The following PCDHA4 variants were observed in gnomAD, a reference collection of about 807,000 sequenced individuals.
The protein encoded by PCDHA4 is protocadherin alpha 4.
A neutral mutation model predicts 61.4 loss-of-function variants in PCDHA4; 49 were observed. The ratio of observed to expected loss-of-function variants is 0.80; its 90% confidence interval spans 0.63 to 1.01. PCDHA4 has a LOEUF of 1.01. Ranked by LOEUF, PCDHA4 falls within the 50% of genes least tolerant of loss-of-function variation. The pLI is 0.00. For synonymous variants in PCDHA4, 590 were observed against 550.3 expected (o/e 1.07, Z -1.01); for missense variants, 1,254 against 1,235.8 (o/e 1.01, Z -0.22).
intron 1 of PCDHA4, among the ~76,000 whole-genome samples, chr5:140,919,654 C>CAT (rs1554199189): frequency 6.6e-6 from 1 of 151,822 alleles, no homozygotes; most frequent in African/African-American, 2.4e-5. Context: ...TAGAGTTTAC[C>CAT]ATATATATTT....
Position 140,935,377 on chromosome 5 carries a change from C to T in PCDHA4, c.2386-43572C>T, listed in dbSNP as rs139207351. On this transcript the variant is annotated intron_variant, in intron 1 of 3. Coordinates refer to ENST00000530339, the MANE Select transcript of PCDHA4 (RefSeq NM_018907.4). ...GTTTTCATTAACGTCAACAGAATTA[C>T]TCATTTGTTATCCCACGGGACTCAA... is the stretch of plus-strand genomic sequence containing the variant. Among the ~76,000 whole-genome samples the T allele has an allele frequency of 1.3e-4, 20 of 152,332 alleles. No individual in the cohort carries two copies. In the East Asian group the frequency reaches 3.1e-3, roughly 23 times the overall value.
intron 3 of PCDHA4, among the ~76,000 whole-genome samples, chr5:140,999,845 T>C (rs1293721817): frequency 6.6e-6 from 1 of 152,188 alleles, no homozygotes; most frequent in African/African-American, 2.4e-5. Context: ...CAAGTGTATT[T>C]ATCTCTTCCG....
At position 140,868,867 on chromosome 5, in the gene PCDHA4, G is replaced by A. The variant is rs532271305; in HGVS notation, c.2385+59295G>A. ...GAAATTCTGTGGTGGTAAATGCAGT[G>A]CACAGTACTCACAGTTTTAGGCGCA... On this transcript the variant is annotated intron_variant, in intron 1 of 3. Coordinates refer to ENST00000530339, the MANE Select transcript of PCDHA4 (RefSeq NM_018907.4). The A allele has an allele frequency of 2.8e-4, 173 of 611,220 alleles. 1 individual carries two copies. In the South Asian group the frequency reaches 3.9e-3, roughly 14 times the overall value. 37.9% of individuals were successfully genotyped at this position (611,220 alleles called of 1,614,324 possible).
chr5:140,929,413 A>G, intron 1 of PCDHA4: 1 of 1,505,438 alleles, frequency 6.6e-7, no homozygotes, highest in Non-Finnish European at 8.9e-7. Context: ...AGCCTTTCAC[A>G]ACATTTCATC....
intron 1 of PCDHA4, chr5:140,823,603 C>A (rs2150127370): frequency 1.2e-6 from 2 of 1,614,048 alleles, no homozygotes; most frequent in South Asian, 2.2e-5. Context: ...TTCGTATGAG[C>A]TGCAGCCAGC....
chr5:141,003,406 G>A (rs2098122557), intron 3 of PCDHA4, among the ~76,000 whole-genome samples: 1 of 152,134 alleles, frequency 6.6e-6, no homozygotes, highest in African/African-American at 2.4e-5. Flanking sequence ...CCGCCTCCCG[G>A]GTTCGAGTGA....
intron 1 of PCDHA4, among the ~76,000 whole-genome samples, chr5:140,936,916 A>C (rs782442769): frequency 3.0e-4 from 46 of 152,222 alleles, no homozygotes; most frequent in Non-Finnish European, 6.6e-4. Context: ...ATCTGTAGAA[A>C]ATATGGGGTA....
chr5:140,993,532 A>C (rs1159592677), intron 3 of PCDHA4, among the ~76,000 whole-genome samples: 1 of 151,984 alleles, frequency 6.6e-6, no homozygotes, highest in African/African-American at 2.4e-5. Flanking sequence ...ACAGAGAGAG[A>C]GAGAGATAGA....
Position 140,873,357 on chromosome 5 carries a change from G to T in PCDHA4, c.2385+63785G>T, listed in dbSNP as rs564914388. On this transcript the variant is annotated intron_variant, in intron 1 of 3. Coordinates refer to ENST00000530339, the MANE Select transcript of PCDHA4 (RefSeq NM_018907.4). ...TACTCATCTCCAGATGAAATTTTTG[G>T]AATAACTGAAGATCTTTTAAAGACT... Among the ~76,000 whole-genome samples the T allele has an allele frequency of 2.0e-5, 3 of 152,172 alleles. No individual in the cohort carries two copies. In the South Asian group the frequency reaches 6.2e-4, roughly 32 times the overall value.
chr5:140,854,061 C>A, intron 1 of PCDHA4: 1 of 279,894 alleles, frequency 3.6e-6, no homozygotes, highest in Non-Finnish European at 5.4e-6. Flanking sequence ...ACTCAGGAGG[C>A]TGAGGCGAGA....
rs1404110882 is a variant in PCDHA4 at position 140,968,973 on chromosome 5, C to A, written c.2386-9976C>A. On this transcript the variant is annotated intron_variant, in intron 1 of 3. Transcript: ENST00000530339. ...ATCATCAAGTGCTACCGCTACACTG[C>A]GTATGGCACTGCATGCTGTGGAGGC... is the stretch of plus-strand genomic sequence containing the variant. The A allele has an allele frequency of 6.2e-7, 1 of 1,614,194 alleles. No homozygotes were observed. The highest frequency in any genetic ancestry group is 1.3e-5 in the African/African-American group (1 of 75,044).
chr5:140,973,362 A>G (rs2096583702), intron 1 of PCDHA4, among the ~76,000 whole-genome samples: 1 of 152,256 alleles, frequency 6.6e-6, no homozygotes, highest in Non-Finnish European at 1.5e-5. Flanking sequence ...ATTTATAAAA[A>G]TTGCACAATG....
chr5:140,867,025 C>G lies in PCDHA4; in HGVS notation c.2385+57453C>G, dbSNP rs560327933. 2.6e-5 allele frequency: 4 copies of G among 152,270 alleles called. No homozygotes were observed. The East Asian group carries it at 7.7e-4, about 29-fold the overall frequency. The allele number at this position is 152,270 out of a possible 1,614,324, so 9.4% of individuals were successfully genotyped here. Reference sequence around the variant, plus strand: ...TCATTGATTCATACACTATATCAAACTCTTTTATGACTTGGCGTTTGTTCA... The same window carrying G: ...TCATTGATTCATACACTATATCAAAGTCTTTTATGACTTGGCGTTTGTTCA... On this transcript the variant is annotated intron_variant, in intron 1 of 3. Transcript: ENST00000530339.
At chr5:140,849,563 G>T (rs2150440707) in intron 1 of PCDHA4, 1 of 1,598,488 alleles carries the variant, frequency 6.3e-7, no homozygotes, top group Non-Finnish European at 8.6e-7. Context: ...AAACGCTCTC[G>T]GTTCCTGTAA....
chr5:141,011,501 A>G lies in PCDHA4; in HGVS notation c.*1564A>G, dbSNP rs548038544. ...ATATTTCCTTTTGTACACCTGTGAA[A>G]AAGTGGAGTAGTGTTTTTTTAACCA... On this transcript the variant is annotated 3_prime_UTR_variant, in exon 4 of 4. Coordinates refer to ENST00000530339, the MANE Select transcript of PCDHA4 (RefSeq NM_018907.4). 1.3e-5 allele frequency: 2 copies of G among 153,894 alleles called. No individual in the cohort carries two copies. Among genetic ancestry groups the G allele is most frequent in the African/African-American group, 4.8e-5 (2 of 41,578 alleles). 9.5% of individuals were successfully genotyped at this position (153,894 alleles called of 1,614,324 possible).
chr5:140,971,468 A>C (rs938390548), intron 1 of PCDHA4, among the ~76,000 whole-genome samples: 7 of 152,174 alleles, frequency 4.6e-5, no homozygotes, highest in African/African-American at 7.2e-5. Context: ...AGTTATAGGG[A>C]GAGAGTGTCA....
chr5:140,994,568 G>T (rs1240135648), intron 3 of PCDHA4, among the ~76,000 whole-genome samples: 1 of 151,992 alleles, frequency 6.6e-6, no homozygotes, highest in Non-Finnish European at 1.5e-5. Context: ...AGCCGGGTGT[G>T]GTGGCATGCA....
Position 141,009,722 on chromosome 5 carries a change from G to A in PCDHA4, c.2629G>A (p.Gly877Ser), listed in dbSNP as rs552954748. ...KYGPGNPKQSGPGELPDKFII... is the reference protein window; with the variant it reads ...KYGPGNPKQSSPGELPDKFII... ...CGGACCAGGCAACCCCAAACAATCC[G>A]GTCCCGGTGAGTTGCCCGACAAATT... The change falls in exon 4 of 4, where the codon GGT (glycine) becomes AGT (serine). Residue 877 changes from glycine (G) to serine (S), a missense_variant. Gly to Ser is a moderately conservative substitution (Grantham distance 56). Transcript: ENST00000530339. 5.2e-5 allele frequency: 84 copies of A among 1,614,140 alleles called. No homozygotes were observed. The South Asian group carries it at 6.7e-4, about 13-fold the overall frequency.
intron 1 of PCDHA4, chr5:140,966,557 G>T: frequency 2.1e-6 from 1 of 477,538 alleles, no homozygotes; most frequent in Non-Finnish European, 3.5e-6. Context: ...GAGCGGAGGA[G>T]CTGGAATATG....
Sources: allele counts gnomAD v4.1 joint callset (sites outside exome capture counted in the v4.1 genomes callset), GRCh38; gene constraint gnomAD v4.1.1; transcripts MANE v1.5; gene names NCBI Gene and HGNC (gene_info 2026-07-23, HGNC 2026-07-21).